LRMDA: variants seen among roughly 807,000 people sequenced by gnomAD.
LRMDA encodes leucine-rich melanocyte differentiation-associated protein.
Under a neutral mutation model 29.8 loss-of-function variants are expected in LRMDA, and 18 were observed. That is an observed-to-expected ratio of 0.60 (90% CI 0.42 to 0.90). LRMDA has a LOEUF of 0.90. LRMDA is among the 40% of genes least tolerant of loss of function. The pLI is 0.00. For missense variants in LRMDA, 273 were observed against 273.9 expected (o/e 1.00, Z 0.02); for synonymous variants, 125 against 109.4 (o/e 1.14, Z -0.89).
At chr10:75,587,335 GTTTGTT>G (rs1403217403) in intron 2 of LRMDA, among the ~76,000 whole-genome samples, 5 of 151,986 alleles carry the variant, frequency 3.3e-5, no homozygotes, top group Non-Finnish European at 7.4e-5. Context: ...TTTTTTGTTT[GTTTGTT>G]TTTGTTTTTG....
chr10:75,800,502 A>G lies in LRMDA; in HGVS notation c.132-235506A>G, dbSNP rs992934035. Reference sequence around the variant, plus strand: ...ACCCAGGCTGGAGTGCAGTGGTGCAATCTCGGCTCACTCAAACCTCCGCCT... The same window carrying G: ...ACCCAGGCTGGAGTGCAGTGGTGCAGTCTCGGCTCACTCAAACCTCCGCCT... On this transcript the variant is annotated intron_variant, in intron 2 of 6. Coordinates refer to ENST00000611255, the MANE Select transcript of LRMDA (RefSeq NM_001305581.2). Among the ~76,000 whole-genome samples, 6 of 151,588 alleles carry G rather than the reference A, an allele frequency of 4.0e-5. No individual in the cohort carries two copies. In the East Asian group the frequency reaches 5.8e-4, roughly 15 times the overall value.
intron 5 of LRMDA, among the ~76,000 whole-genome samples, chr10:76,069,762 G>A (rs1007519282): frequency 2.0e-5 from 3 of 152,000 alleles, no homozygotes; most frequent in Non-Finnish European, 4.4e-5. Flanking sequence ...GACCTGTCAC[G>A]TATTTTTGTT....
intron 2 of LRMDA, among the ~76,000 whole-genome samples, chr10:75,678,611 G>A (rs975179995): frequency 1.3e-5 from 2 of 152,116 alleles, no homozygotes; most frequent in African/African-American, 4.8e-5. Context: ...TGGCAACTGG[G>A]CACTCCACAG....
At chr10:76,242,433 C>T (rs887094043) in intron 5 of LRMDA, 3 of 152,250 alleles carry the variant, frequency 2.0e-5, no homozygotes, top group African/African-American at 7.2e-5. Context: ...GGCCCAGGCT[C>T]CTCCAAAGAC....
intron 5 of LRMDA, among the ~76,000 whole-genome samples, chr10:76,091,688 C>T (rs1849234564): frequency 6.6e-6 from 1 of 152,018 alleles, no homozygotes; most frequent in Non-Finnish European, 1.5e-5. Context: ...CATCCCCAAA[C>T]TCCCACCCCT....
Position 75,480,406 on chromosome 10 carries a change from G to T in LRMDA, c.131+41912G>T, listed in dbSNP as rs71473778. ...CGAGTGTATTCAAGGGACACAAACAGGTACTGGGTAGTCACTGGGAAACAG... is the reference window on the plus strand; with the variant it reads ...CGAGTGTATTCAAGGGACACAAACATGTACTGGGTAGTCACTGGGAAACAG... On this transcript the variant is annotated intron_variant, in intron 2 of 6. Coordinates refer to ENST00000611255, the MANE Select transcript of LRMDA (RefSeq NM_001305581.2). Among the ~76,000 whole-genome samples, 822 of 141,418 alleles carry T rather than the reference G, an allele frequency of 5.8e-3. 2 individuals are homozygous for T. The highest frequency in any genetic ancestry group is 8.5e-3 in the African/African-American group (326 of 38,226). 92.8% of individuals were successfully genotyped at this position (141,418 alleles called of 152,430 possible). A position where few individuals can be genotyped will look rare whatever the true frequency, so the allele number is the denominator to read the frequency against.
At chr10:75,481,326 C>G (rs534297003) in intron 2 of LRMDA, among the ~76,000 whole-genome samples, 1 of 151,944 alleles carries the variant, frequency 6.6e-6, no homozygotes, top group Non-Finnish European at 1.5e-5. Flanking sequence ...TTGTGCTTTG[C>G]CAGAGGCTGG....
chr10:75,930,013 A>G (rs1463343718), intron 2 of LRMDA, among the ~76,000 whole-genome samples: 2 of 152,158 alleles, frequency 1.3e-5, no homozygotes, highest in East Asian at 3.9e-4. Context: ...GTTTCCTTTT[A>G]TTCATACCAT....
chr10:76,214,363 G>A (rs902889804), intron 5 of LRMDA, among the ~76,000 whole-genome samples: 19 of 112,150 alleles, frequency 1.7e-4, no homozygotes, highest in Admixed American at 5.4e-4. Context: ...TTTATGAGAC[G>A]GAGTCTCCTC....
At chr10:76,184,441 A>G (rs956376530) in intron 5 of LRMDA, among the ~76,000 whole-genome samples, 1 of 152,234 alleles carries the variant, frequency 6.6e-6, no homozygotes, top group Admixed American at 6.5e-5. Context: ...GATCAATTCC[A>G]TTTAACAAAA....
intron 5 of LRMDA, among the ~76,000 whole-genome samples, chr10:76,311,626 C>T (rs1383369733): frequency 6.6e-6 from 1 of 152,160 alleles, no homozygotes; most frequent in Admixed American, 6.5e-5. Context: ...TTCCAATTTA[C>T]TACCACGATT....
chr10:75,860,512 G>T (rs1055680173), intron 2 of LRMDA, among the ~76,000 whole-genome samples: 1 of 151,910 alleles, frequency 6.6e-6, no homozygotes, highest in African/African-American at 2.4e-5. Context: ...GGTAGAGACA[G>T]GGTTTCACCA....
At chr10:75,863,059 T>G (rs537656562) in intron 2 of LRMDA, among the ~76,000 whole-genome samples, 4 of 152,220 alleles carry the variant, frequency 2.6e-5, no homozygotes, top group Non-Finnish European at 5.9e-5. Flanking sequence ...TAAAGATAGC[T>G]CTGTCCTACC....
chr10:75,623,134 A>G (rs982944154), intron 2 of LRMDA, among the ~76,000 whole-genome samples: 3 of 152,254 alleles, frequency 2.0e-5, no homozygotes, highest in Non-Finnish European at 4.4e-5. Context: ...GAGACTAGCA[A>G]CTTTAAAGGG....
At chr10:75,714,517 A>G (rs1842474531) in intron 2 of LRMDA, among the ~76,000 whole-genome samples, 1 of 152,248 alleles carries the variant, frequency 6.6e-6, no homozygotes, top group Non-Finnish European at 1.5e-5. Flanking sequence ...AAGCTGGCTC[A>G]TACATGGCCC....
chr10:75,591,570 T>C (rs183290961), intron 2 of LRMDA, among the ~76,000 whole-genome samples: 13 of 152,354 alleles, frequency 8.5e-5, no homozygotes, highest in Non-Finnish European at 1.8e-4. Flanking sequence ...ACCCTCAGTA[T>C]AAGAGCAGTA....
intron 6 of LRMDA, among the ~76,000 whole-genome samples, chr10:76,478,932 A>G (rs561238440): frequency 2.0e-5 from 3 of 151,780 alleles, no homozygotes; most frequent in Admixed American, 6.6e-5. Context: ...TAGCATTAGG[A>G]GATATACCTA....
intron 2 of LRMDA, among the ~76,000 whole-genome samples, chr10:75,974,596 T>G (rs1847037655): frequency 6.6e-6 from 1 of 152,210 alleles, no homozygotes; most frequent in African/African-American, 2.4e-5. Context: ...CATGAACTCA[T>G]TCAATCCTCC....
chr10:75,773,540 T>C (rs1157655535), intron 2 of LRMDA, among the ~76,000 whole-genome samples: 3 of 152,126 alleles, frequency 2.0e-5, no homozygotes, highest in African/African-American at 7.2e-5. Context: ...ATGAGAAACA[T>C]GTGGGAAGAG....
Sources: gnomAD v4.1 joint callset for allele counts (sites outside exome capture counted in the v4.1 genomes callset) on GRCh38, gnomAD v4.1.1 for gene constraint, MANE v1.5 for transcripts, NCBI Gene and HGNC (gene_info 2026-07-23, HGNC 2026-07-21) for gene names.